MYO5C: variants seen among roughly 807,000 people sequenced by gnomAD.
MYO5C encodes unconventional myosin-Vc.
In MYO5C, 194 loss-of-function variants were observed where a neutral mutation model predicts 235.7. The ratio of observed to expected loss-of-function variants is 0.82; its 90% CI spans 0.73 to 0.93. MYO5C has a LOEUF of 0.93. MYO5C is among the 40% of genes least tolerant of loss of function. The probability of loss-of-function intolerance (pLI) is 0.00; values close to 1 mark genes in which losing one functional copy is unlikely to be tolerated. For missense variants in MYO5C, 2,038 were observed against 2,127.2 expected (o/e 0.96, Z 0.82); for synonymous variants, 707 against 754.8 (o/e 0.94, Z 1.04).
rs2035274592 is a variant in MYO5C at position 52,205,025 on chromosome 15, G to C, written c.4660C>G (p.Gln1554Glu). ...ATGGTGGTGTAAAAGTAGCTCAGCT[G>C]TTGCAGGACGGAGGTCATGGTGTAG... Reference protein sequence around the residue: ...DGYTMTSVLQQLSYFYTTMCQ... With the variant: ...DGYTMTSVLQELSYFYTTMCQ... Residue 1554 changes from glutamine (Q) to glutamate (E), a missense_variant, in exon 38 of 41, where the codon CAG becomes GAG. Gln to Glu is a conservative substitution (Grantham distance 29, BLOSUM62 2). Transcript: ENST00000261839. 2 of 1,614,102 alleles carry C rather than the reference G, an allele frequency of 1.2e-6. No individual in the cohort carries two copies. The highest frequency in any genetic ancestry group is 1.7e-6 in the Non-Finnish European group (2 of 1,180,040).
chr15:52,267,993 G>A (rs1359090718), intron 8 of MYO5C, among the ~76,000 whole-genome samples: 2 of 152,194 alleles, frequency 1.3e-5, no homozygotes, highest in Admixed American at 1.3e-4. Flanking sequence ...GCAAATGTAA[G>A]TCAGTGCCGA....
At chr15:52,222,980 T>C (rs1321401731) in intron 29 of MYO5C, among the ~76,000 whole-genome samples, 1 of 151,850 alleles carries the variant, frequency 6.6e-6, no homozygotes, top group Non-Finnish European at 1.5e-5. Context: ...TGAAACCCTG[T>C]CTCTACTAAA....
chr15:52,258,614 A>C (rs180749870), intron 10 of MYO5C, among the ~76,000 whole-genome samples: 45 of 152,318 alleles, frequency 3.0e-4, no homozygotes, highest in Admixed American at 9.1e-4. Flanking sequence ...AGTTGCAGGT[A>C]TGCCTAGGCG....
chr15:52,206,027 CA>C, intron 36 of MYO5C, 61 bp from the exon 37 acceptor site: 1 of 1,044,768 alleles, frequency 9.6e-7, no homozygotes, highest in African/African-American at 1.6e-5. Flanking sequence ...AATTAATAAT[CA>C]GCTACTATAA....
At chr15:52,288,074 T>C (rs2037314094) in intron 1 of MYO5C, among the ~76,000 whole-genome samples, 1 of 152,138 alleles carries the variant, frequency 6.6e-6, no homozygotes, top group Non-Finnish European at 1.5e-5. Flanking sequence ...CCTGGGGGCC[T>C]TCCAAGGAAG....
chr15:52,244,891 G>A (rs1165692776), intron 18 of MYO5C, among the ~76,000 whole-genome samples: 1 of 152,206 alleles, frequency 6.6e-6, no homozygotes, highest in African/African-American at 2.4e-5. Context: ...AGAAGAAACT[G>A]GGGAAGTTTG....
chr15:52,208,413 T>G (rs2035369118), intron 36 of MYO5C, 141 bp downstream of exon 36: 2 of 648,730 alleles, frequency 3.1e-6, no homozygotes, highest in Non-Finnish European at 5.2e-6. Flanking sequence ...CTCCTGCCTG[T>G]GGTGTATGCC....
intron 30 of MYO5C, among the ~76,000 whole-genome samples, chr15:52,220,824 C>CA (rs34395430): frequency 0.025 from 2,951 of 118,508 alleles, 97 homozygotes; most frequent in African/African-American, 0.08. Flanking sequence ...AACTCAGTCT[C>CA]AAAAAAAAAA....
At chr15:52,263,379 T>C (rs1333129042) in intron 9 of MYO5C, among the ~76,000 whole-genome samples, 3 of 152,180 alleles carry the variant, frequency 2.0e-5, no homozygotes, top group Non-Finnish European at 4.4e-5. Context: ...TCAAATTAAC[T>C]TGTGTCCATT....
intron 1 of MYO5C, among the ~76,000 whole-genome samples, chr15:52,289,288 C>T (rs2037341147): frequency 6.6e-6 from 1 of 152,106 alleles, no homozygotes; most frequent in South Asian, 2.1e-4. Flanking sequence ...TCTGCAACTG[C>T]CTGGCACCTG....
chr15:52,214,139 G>T (rs2035505474), intron 33 of MYO5C, among the ~76,000 whole-genome samples: 1 of 152,258 alleles, frequency 6.6e-6, no homozygotes, highest in South Asian at 2.1e-4. Flanking sequence ...GGGAAGAAGG[G>T]AGGAGGGTCC....
chr15:52,273,121 C>G (rs1039677366), intron 5 of MYO5C, among the ~76,000 whole-genome samples: 17 of 152,200 alleles, frequency 1.1e-4, no homozygotes, highest in Middle Eastern at 3.4e-3. Context: ...GAGTTTGAGA[C>G]CAGATGAGGC....
chr15:52,226,814 A>G (rs532982577), intron 25 of MYO5C, among the ~76,000 whole-genome samples: 2 of 152,230 alleles, frequency 1.3e-5, no homozygotes, highest in African/African-American at 2.4e-5. Flanking sequence ...AAGACTGACT[A>G]TAACACATAT....
chr15:52,209,488 G>C (rs758477874), intron 35 of MYO5C, among the ~76,000 whole-genome samples: 4 of 152,180 alleles, frequency 2.6e-5, no homozygotes, highest in Non-Finnish European at 4.4e-5. Context: ...TGTAACTGCT[G>C]TGTGCTGGAG....
chr15:52,251,455 T>G lies in MYO5C; in HGVS notation c.1597A>C (p.Asn533His). 6.2e-7 allele frequency: 1 copy of G among 1,606,116 alleles called. No individual in the cohort carries two copies. Residue 533 changes from asparagine to histidine, a missense_variant, in exon 13 of 41, where the codon AAC (asparagine) becomes CAC (histidine). Asn to His is a moderately conservative substitution (Grantham distance 68). Coordinates refer to ENST00000261839, the MANE Select transcript of MYO5C (RefSeq NM_018728.4). ...QKLYNNFVNRNPLFEKPRMSN... is the reference protein window; with the variant it reads ...QKLYNNFVNRHPLFEKPRMSN... ...ATTCTAGGCTTTTCAAACAAAGGGT[T>G]CCTGTTGACAAAATTATTATACAGC...
At chr15:52,226,970 A>G (rs1204160970) in intron 25 of MYO5C, among the ~76,000 whole-genome samples, 1 of 152,024 alleles carries the variant, frequency 6.6e-6, no homozygotes, top group East Asian at 2.0e-4. Flanking sequence ...CAACATGGTG[A>G]AACCCTGTCT....
intron 8 of MYO5C, among the ~76,000 whole-genome samples, chr15:52,268,065 G>A (rs768542881): frequency 6.6e-6 from 1 of 152,156 alleles, no homozygotes; most frequent in Non-Finnish European, 1.5e-5. Context: ...CAGGTTTGAG[G>A]GAACAGTCTG....
At chr15:52,235,120 ACTGGTTCCAGGGT>A (rs910390774) in intron 23 of MYO5C, among the ~76,000 whole-genome samples, 1 of 152,198 alleles carries the variant, frequency 6.6e-6, no homozygotes, top group Non-Finnish European at 1.5e-5. Flanking sequence ...AGTGATACCT[ACTGGTTCCAGGGT>A]CTGCCCTTCT....
intron 35 of MYO5C, 152 bp downstream of exon 35, chr15:52,211,578 A>G: frequency 6.0e-6 from 5 of 840,322 alleles, no homozygotes; most frequent in Non-Finnish European, 9.4e-6. Context: ...TCTTTCCCTA[A>G]CAGTGTGGCT....
Sources: gnomAD v4.1 joint callset for allele counts (sites outside exome capture counted in the v4.1 genomes callset) on GRCh38, gnomAD v4.1.1 for gene constraint, MANE v1.5 for transcripts, NCBI Gene and HGNC (gene_info 2026-07-23, HGNC 2026-07-21) for gene names.